Variants in FHOD3 observed in about 807,000 individuals in gnomAD.
FHOD3 encodes formin homology 2 domain containing 3.
FHOD3 carries 90 observed loss-of-function variants against 173.0 expected under a neutral mutation model. The ratio of observed to expected loss-of-function variants is 0.52; its 90% CI spans 0.44 to 0.62. The LOEUF (loss-of-function observed/expected upper bound fraction) is 0.62, where lower values mean the gene tolerates loss of function less well. FHOD3 is among the 20% of genes least tolerant of loss of function. The pLI is 0.00. For synonymous variants in FHOD3, 828 were observed against 823.0 expected (o/e 1.01, Z -0.10); for missense variants, 1,945 against 2,034.7 (o/e 0.96, Z 0.85).
intron 5 of FHOD3, among the ~76,000 whole-genome samples, chr18:36,572,282 C>A (rs1169263753): frequency 6.6e-6 from 1 of 152,148 alleles, no homozygotes; most frequent in Non-Finnish European, 1.5e-5. Context: ...AAACACAAAT[C>A]ATGAATTTTC....
chr18:36,417,586 T>C (rs576293013), intron 3 of FHOD3, among the ~76,000 whole-genome samples: 17 of 152,346 alleles, frequency 1.1e-4, no homozygotes, highest in Non-Finnish European at 2.1e-4. Flanking sequence ...TACCCAGTAA[T>C]GGGATTGCTG....
At chr18:36,357,750 A>G (rs560477048) in intron 2 of FHOD3, among the ~76,000 whole-genome samples, 1 of 152,308 alleles carries the variant, frequency 6.6e-6, no homozygotes, top group East Asian at 1.9e-4. Context: ...GTCTAATTGG[A>G]TGACTTCATG....
chr18:36,493,667 G>C (rs562853782), intron 3 of FHOD3, among the ~76,000 whole-genome samples: 4 of 152,318 alleles, frequency 2.6e-5, no homozygotes, highest in Admixed American at 6.5e-5. Context: ...ATGCCTGGCA[G>C]ATAAGGAGCT....
chr18:36,344,334 C>T (rs762505514), intron 1 of FHOD3, among the ~76,000 whole-genome samples: 13 of 152,026 alleles, frequency 8.6e-5, no homozygotes, highest in Non-Finnish European at 1.3e-4. Flanking sequence ...ATTTAAAATG[C>T]GTTTCTCATT....
At chr18:36,445,932 C>T (rs887483558) in intron 3 of FHOD3, among the ~76,000 whole-genome samples, 1 of 152,158 alleles carries the variant, frequency 6.6e-6, no homozygotes, top group Non-Finnish European at 1.5e-5. Context: ...CATTGAGAAA[C>T]CTTGATCCTA....
rs61175924 is a variant in FHOD3 at position 36,462,240 on chromosome 18, G to A, written c.338-39692G>A. On this transcript the variant is annotated intron_variant, in intron 3 of 28. Transcript: ENST00000590592. ...CATCCTTGTGGCTTTGGTGAAGCCA[G>A]TTTGAATGCAAGTAGCTTTCCCTCC... 5.7e-3 allele frequency among the ~76,000 whole-genome samples: 862 copies of A among 152,202 alleles called. 9 individuals carry two copies. Among genetic ancestry groups the A allele is most frequent in the African/African-American group, 0.02 (828 of 41,534 alleles).
intron 1 of FHOD3, among the ~76,000 whole-genome samples, chr18:36,310,313 A>G (rs2092222160): frequency 6.6e-6 from 1 of 152,212 alleles, no homozygotes; most frequent in Non-Finnish European, 1.5e-5. Flanking sequence ...AGGCATAAAC[A>G]TAATGCAAAG....
chr18:36,722,460 C>G (rs987169849), intron 19 of FHOD3, among the ~76,000 whole-genome samples: 1 of 152,194 alleles, frequency 6.6e-6, no homozygotes, highest in Non-Finnish European at 1.5e-5. Context: ...TACTCTCTTG[C>G]ATTCATTAGG....
chr18:36,615,354 T>C (rs2148664606), intron 9 of FHOD3, among the ~76,000 whole-genome samples: 1 of 152,240 alleles, frequency 6.6e-6, no homozygotes, highest in African/African-American at 2.4e-5. Context: ...TACTCATTGA[T>C]GAAAATTTGG....
chr18:36,524,595 C>T (rs1445170065), intron 5 of FHOD3, among the ~76,000 whole-genome samples: 1 of 152,168 alleles, frequency 6.6e-6, no homozygotes, highest in Non-Finnish European at 1.5e-5. Context: ...TGCTGATTCA[C>T]TGGCTTCCCT....
Position 36,643,385 on chromosome 18 carries a change from C to T in FHOD3, c.1197-5931C>T, listed in dbSNP as rs917769180. On this transcript the variant is annotated intron_variant, in intron 10 of 28. Transcript: ENST00000590592. Reference sequence around the variant, plus strand: ...CCAATAGCATTCCCTGCCCTCCACCCCTGTTGTGACAACTAAAAATGTCTC... The same window carrying T: ...CCAATAGCATTCCCTGCCCTCCACCTCTGTTGTGACAACTAAAAATGTCTC... 2.6e-5 allele frequency among the ~76,000 whole-genome samples: 4 copies of T among 152,084 alleles called. No individual in the cohort carries two copies. In the South Asian group the frequency reaches 8.3e-4, roughly 32 times the overall value.
chr18:36,657,748 A>C (rs1260740545), intron 13 of FHOD3, among the ~76,000 whole-genome samples: 1 of 152,250 alleles, frequency 6.6e-6, no homozygotes, highest in Non-Finnish European at 1.5e-5. Context: ...TTCATGGTTC[A>C]AGTGAAATTG....
At chr18:36,741,885 G>T (rs1337320915) in intron 21 of FHOD3, among the ~76,000 whole-genome samples, 1 of 151,966 alleles carries the variant, frequency 6.6e-6, no homozygotes, top group Non-Finnish European at 1.5e-5. Context: ...ACTTTAGAAG[G>T]GAACTACAGT....
At chr18:36,691,173 C>T (rs2149484108) in intron 16 of FHOD3, among the ~76,000 whole-genome samples, 1 of 152,248 alleles carries the variant, frequency 6.6e-6, no homozygotes, top group African/African-American at 2.4e-5. Flanking sequence ...GAGAGGCATG[C>T]AGAAGGCCAG....
Position 36,652,632 on chromosome 18 carries a change from C to A in FHOD3, c.1349C>A (p.Ala450Asp). The change falls in exon 12 of 29, where the codon GCC (alanine) becomes GAC (aspartate). Residue 450 changes from alanine (A) to aspartate (D), a missense_variant. By Grantham distance (126) the Ala-to-Asp change is moderately radical. This residue lies in a region of FHOD3 where 1,099 missense variants were observed against 1,051.2 expected (regional missense o/e 1.05). Coordinates refer to ENST00000590592, the MANE Select transcript of FHOD3 (RefSeq NM_001281740.3). ...TGRDAAPKSSALPAVSNASSQ... is the reference protein window; with the variant it reads ...TGRDAAPKSSDLPAVSNASSQ... The stretch of plus-strand genomic sequence containing the variant: ...AGGGATGCTGCTCCCAAGAGCTCTG[C>A]CCTCCCTGCTGTCTCGAATGCCAGC... 1.3e-6 allele frequency: 2 copies of A among 1,535,302 alleles called. No homozygotes were observed.
At chr18:36,771,952 C>T (rs1025494451) in intron 28 of FHOD3, among the ~76,000 whole-genome samples, 1 of 152,210 alleles carries the variant, frequency 6.6e-6, no homozygotes, top group African/African-American at 2.4e-5. Flanking sequence ...GTCTTCATGG[C>T]CCCATCCTCT....
At chr18:36,331,374 A>G (rs1189450273) in intron 1 of FHOD3, among the ~76,000 whole-genome samples, 1 of 152,208 alleles carries the variant, frequency 6.6e-6, no homozygotes. Flanking sequence ...TTCTTCTGAG[A>G]ATACTGATGT....
intron 5 of FHOD3, among the ~76,000 whole-genome samples, chr18:36,546,926 G>A (rs2057433299): frequency 6.6e-6 from 1 of 152,196 alleles, no homozygotes; most frequent in Non-Finnish European, 1.5e-5. Context: ...GAACCTCGAA[G>A]CAAGTAGTGA....
chr18:36,567,433 T>C (rs1290684889), intron 5 of FHOD3, among the ~76,000 whole-genome samples: 1 of 152,190 alleles, frequency 6.6e-6, no homozygotes, highest in Non-Finnish European at 1.5e-5. Context: ...AGATTTCTTA[T>C]TGTAAAAACA....
Sources: gnomAD v4.1 joint callset for allele counts (sites outside exome capture counted in the v4.1 genomes callset) on GRCh38, gnomAD v4.1.1 for gene constraint, gnomAD v4.1.1 regional missense constraint, MANE v1.5 for transcripts, NCBI Gene and HGNC (gene_info 2026-07-23, HGNC 2026-07-21) for gene names.